LIN52: variants seen among roughly 807,000 people sequenced by gnomAD.
The protein encoded by LIN52 is protein lin-52 homolog.
Under a neutral mutation model 18.5 loss-of-function variants are expected in LIN52, and 4 were observed. The observed-to-expected ratio is 0.22, with a 90% CI of 0.11 to 0.49. The LOEUF is 0.49. LIN52 is among the 20% of genes least tolerant of loss of function. The pLI, the probability that LIN52 is intolerant of heterozygous loss-of-function variation, is 0.97. For synonymous variants in LIN52, 34 were observed against 45.5 expected (o/e 0.75, Z 1.02); for missense variants, 102 against 139.5 (o/e 0.73, Z 1.35).
At chr14:74,152,520 GC>G (rs1406133757) in intron 5 of LIN52, among the ~76,000 whole-genome samples, 1 of 151,962 alleles carries the variant, frequency 6.6e-6, no homozygotes, top group Non-Finnish European at 1.5e-5. Context: ...GAACATTGTC[GC>G]CATTTTACAG....
intron 5 of LIN52, among the ~76,000 whole-genome samples, chr14:74,151,458 C>T (rs1351620130): frequency 6.6e-6 from 1 of 151,994 alleles, no homozygotes; most frequent in African/African-American, 2.4e-5. Flanking sequence ...ACAAAGATGT[C>T]AGTGAAATTT....
intron 5 of LIN52, among the ~76,000 whole-genome samples, chr14:74,150,210 A>T (rs2061170689): frequency 6.6e-6 from 1 of 152,192 alleles, no homozygotes; most frequent in Admixed American, 6.5e-5. Context: ...AAAGATACAT[A>T]CAAAAATGTT....
chr14:74,196,657 C>T (rs1003630646), intron 5 of LIN52, among the ~76,000 whole-genome samples: 6 of 151,952 alleles, frequency 3.9e-5, no homozygotes, highest in African/African-American at 9.7e-5. Flanking sequence ...TTCCAAGGAA[C>T]GGAGTTTTGT....
chr14:74,103,769 T>TTTTTA (rs2060878278), intron 5 of LIN52, among the ~76,000 whole-genome samples: 1 of 100,974 alleles, frequency 9.9e-6, no homozygotes, highest in Non-Finnish European at 2.0e-5. Context: ...TTTTTTTTTT[T>TTTTTA]AAGAGACTGG....
intron 5 of LIN52, among the ~76,000 whole-genome samples, chr14:74,146,965 A>G (rs1225520656): frequency 1.3e-5 from 2 of 152,268 alleles, no homozygotes; most frequent in Middle Eastern, 6.8e-3. Flanking sequence ...CTGGAAAACA[A>G]TATCCACATG....
chr14:74,105,820 CA>C (rs2060894265), intron 5 of LIN52, among the ~76,000 whole-genome samples: 1 of 152,134 alleles, frequency 6.6e-6, no homozygotes, highest in Non-Finnish European at 1.5e-5. Flanking sequence ...TATTTGTCCT[CA>C]AAACATGATT....
At chr14:74,183,105 T>C (rs1035190315) in intron 5 of LIN52, among the ~76,000 whole-genome samples, 1 of 150,212 alleles carries the variant, frequency 6.7e-6, no homozygotes, top group Non-Finnish European at 1.5e-5. Flanking sequence ...CTCTCTCTCT[T>C]TTTTTTTTTT....
intron 5 of LIN52, among the ~76,000 whole-genome samples, chr14:74,169,385 G>A (rs1193523857): frequency 6.6e-6 from 1 of 151,926 alleles, no homozygotes; most frequent in Non-Finnish European, 1.5e-5. Context: ...TTCCTTTTCT[G>A]TGTATTCTGG....
chr14:74,132,439 A>G (rs561475036), intron 5 of LIN52, among the ~76,000 whole-genome samples: 18 of 152,350 alleles, frequency 1.2e-4, no homozygotes, highest in African/African-American at 3.1e-4. Flanking sequence ...AAGCAGATCA[A>G]GGACCATCTT....
At chr14:74,169,571 C>T (rs2061262553) in intron 5 of LIN52, among the ~76,000 whole-genome samples, 1 of 152,146 alleles carries the variant, frequency 6.6e-6, no homozygotes, top group Non-Finnish European at 1.5e-5. Context: ...AGAATTCTCC[C>T]ATCTCTCTAC....
chr14:74,181,249 G>A (rs1196992905), intron 5 of LIN52, among the ~76,000 whole-genome samples: 4 of 151,874 alleles, frequency 2.6e-5, no homozygotes, highest in African/African-American at 7.3e-5. Flanking sequence ...TTCAAGACCA[G>A]CTCTGGCAAT....
chr14:74,147,189 C>T (rs7144264), intron 5 of LIN52, among the ~76,000 whole-genome samples: 26,263 of 151,910 alleles, frequency 0.17, 2,777 homozygotes, highest in East Asian at 0.58. Context: ...ATGCCTGAGG[C>T]GAAGGTTGCA....
At chr14:74,146,138 G>T (rs2079940595) in intron 5 of LIN52, among the ~76,000 whole-genome samples, 1 of 151,964 alleles carries the variant, frequency 6.6e-6, no homozygotes, top group Admixed American at 6.6e-5. Flanking sequence ...ATCACATTTT[G>T]GTCATGAATC....
intron 5 of LIN52, among the ~76,000 whole-genome samples, chr14:74,152,262 C>CA (rs33967967): frequency 0.23 from 29,802 of 130,352 alleles, 3,699 homozygotes; most frequent in African/African-American, 0.37. Context: ...ACCTCCATCT[C>CA]AAAAAAAAAA....
chr14:74,197,571 C>A (rs1376078623), intron 5 of LIN52, among the ~76,000 whole-genome samples: 1 of 152,138 alleles, frequency 6.6e-6, no homozygotes, highest in African/African-American at 2.4e-5. Context: ...ACAGGATTTG[C>A]TGTAAATCCA....
At chr14:74,137,997 A>G (rs1289415428) in intron 5 of LIN52, among the ~76,000 whole-genome samples, 4 of 152,200 alleles carry the variant, frequency 2.6e-5, no homozygotes, top group African/African-American at 9.7e-5. Flanking sequence ...ATTTTCTCCA[A>G]TAACTACTCT....
At chr14:74,137,139 GTA>G (rs941043426) in intron 5 of LIN52, among the ~76,000 whole-genome samples, 103 of 145,828 alleles carry the variant, frequency 7.1e-4, no homozygotes, top group African/African-American at 2.5e-3. Context: ...CTCTGTGTGT[GTA>G]TATTTTATAT....
chr14:74,100,673 G>A (rs192448235), intron 4 of LIN52, among the ~76,000 whole-genome samples: 2 of 151,988 alleles, frequency 1.3e-5, no homozygotes, highest in Admixed American at 1.3e-4. Flanking sequence ...ACAGGGTTTC[G>A]CCAGGTTGGC....
chr14:74,179,792 T>A (rs1040259759), intron 5 of LIN52, among the ~76,000 whole-genome samples: 10 of 152,220 alleles, frequency 6.6e-5, no homozygotes, highest in Non-Finnish European at 1.2e-4. Context: ...TTTATGATTA[T>A]AATTTTGATA....
Sources: allele counts gnomAD v4.1 joint callset (sites outside exome capture counted in the v4.1 genomes callset), GRCh38; gene constraint gnomAD v4.1.1; transcripts MANE v1.5; gene names NCBI Gene and HGNC (gene_info 2026-07-23, HGNC 2026-07-21).